The following PARN variants were observed in gnomAD, a reference collection of about 807,000 sequenced individuals.
PARN encodes the protein poly(A)-specific ribonuclease.
A neutral mutation model predicts 102.8 loss-of-function variants in PARN; 71 were observed. The observed-to-expected ratio is 0.69, with a 90% CI of 0.57 to 0.84. PARN has a LOEUF of 0.84. Among genes scored for constraint, PARN ranks in the 40% least tolerant of loss-of-function variants. The pLI is 0.00. For missense variants in PARN, 782 were observed against 760.9 expected, an observed-to-expected ratio of 1.03 and a Z score of -0.33; for synonymous variants, 261 against 252.9, an observed-to-expected ratio of 1.03 and a Z score of -0.30.
At position 14,447,078 on chromosome 16, in the gene PARN, A is replaced by G. The variant is rs2151557113; in HGVS notation, c.1674T>C (p.Phe558=). ...TCTTTCCTACTGTGCTGGGAGCTGT[A>G]AAACTGAAATGCAAAAAGTGGAACA... ...LQNHYYRNNS[F]TAPSTVGKRN... The change falls in exon 23 of 24, where the codon TTT becomes TTC. Residue 558 remains phenylalanine (F), a synonymous_variant. Coordinates refer to ENST00000437198, the MANE Select transcript of PARN (RefSeq NM_002582.4). 1.9e-6 allele frequency: 3 copies of G among 1,610,064 alleles called. No homozygotes were observed. The highest frequency in any genetic ancestry group is 2.5e-6 in the Non-Finnish European group (3 of 1,178,170).
intron 22 of PARN, among the ~76,000 whole-genome samples, chr16:14,465,071 CT>C (rs1567296260): frequency 6.6e-6 from 1 of 151,962 alleles, no homozygotes; most frequent in Non-Finnish European, 1.5e-5. Context: ...TTTTCCTTTT[CT>C]TTTTTTTAAA....
intron 18 of PARN, among the ~76,000 whole-genome samples, chr16:14,574,694 G>A (rs944643948): frequency 6.6e-6 from 1 of 152,074 alleles, no homozygotes; most frequent in African/African-American, 2.4e-5. Context: ...GCCTGGGCAA[G>A]AGAGTGAGAC....
intron 21 of PARN, among the ~76,000 whole-genome samples, chr16:14,544,653 A>G (rs1966866358): frequency 6.6e-6 from 1 of 152,230 alleles, no homozygotes; most frequent in African/African-American, 2.4e-5. Context: ...ATAATATCAG[A>G]TAAGGTAGAC....
At chr16:14,485,940 G>A (rs1407703293) in intron 21 of PARN, among the ~76,000 whole-genome samples, 1 of 152,068 alleles carries the variant, frequency 6.6e-6, no homozygotes, top group Non-Finnish European at 1.5e-5. Context: ...CGCCTGCCTC[G>A]GCCTCTCAAA....
At chr16:14,440,637 A>AT (rs1286408012) in intron 23 of PARN, among the ~76,000 whole-genome samples, 7 of 152,240 alleles carry the variant, frequency 4.6e-5, no homozygotes, top group Non-Finnish European at 8.8e-5. Flanking sequence ...ATAAATAGTG[A>AT]TACCTGTATA....
At chr16:14,610,417 A>T (rs980929583) in intron 7 of PARN, among the ~76,000 whole-genome samples, 2 of 151,848 alleles carry the variant, frequency 1.3e-5, no homozygotes, top group African/African-American at 4.8e-5. Flanking sequence ...AGGTTGCAGT[A>T]AGCCAGGATT....
intron 21 of PARN, among the ~76,000 whole-genome samples, chr16:14,542,163 CCTGA>C (rs1966845254): frequency 6.6e-6 from 1 of 151,748 alleles, no homozygotes; most frequent in Non-Finnish European, 1.5e-5. Context: ...TGCCACCATG[CCTGA>C]CTAATTTTGT....
At chr16:14,461,608 T>C (rs140661715) in intron 22 of PARN, among the ~76,000 whole-genome samples, 16 of 152,376 alleles carry the variant, frequency 1.1e-4, no homozygotes, top group South Asian at 2.1e-4. Context: ...TTTATGCTGA[T>C]AAGTTGCCTT....
chr16:14,586,459 C>G, intron 13 of PARN, 98 bp from the exon 14 acceptor site: 2 of 728,462 alleles, frequency 2.7e-6, no homozygotes, highest in Non-Finnish European at 4.8e-6. Context: ...TCTTCTCAAA[C>G]AAGCTGTTGG....
At chr16:14,595,144 C>T (rs767970526) in intron 12 of PARN, among the ~76,000 whole-genome samples, 1 of 152,136 alleles carries the variant, frequency 6.6e-6, no homozygotes, top group South Asian at 2.1e-4. Context: ...GTACTTCTCG[C>T]GAGGTATGGG....
chr16:14,494,863 G>A (rs138617636), intron 21 of PARN, among the ~76,000 whole-genome samples: 1 of 152,304 alleles, frequency 6.6e-6, no homozygotes, highest in Non-Finnish European at 1.5e-5. Flanking sequence ...GTGCAGGGTT[G>A]TGCCATCTGG....
Position 14,499,708 on chromosome 16 carries a change from G to A in PARN, c.1481-16881C>T, listed in dbSNP as rs369875648. 7.2e-5 allele frequency among the ~76,000 whole-genome samples: 11 copies of A among 152,206 alleles called. No homozygotes were observed. In the East Asian group the frequency reaches 1.4e-3, roughly 19 times the overall value. On this transcript the variant is annotated intron_variant, in intron 21 of 23. Transcript: ENST00000437198. ...GATAAAAAAGTCAAGCCAAAAGAGA[G>A]AAATGTAAAAAACTAAAACAAGCCA... is the stretch of plus-strand genomic sequence containing the variant.
chr16:14,527,699 C>G (rs1440931707), intron 21 of PARN, among the ~76,000 whole-genome samples: 1 of 152,148 alleles, frequency 6.6e-6, no homozygotes, highest in African/African-American at 2.4e-5. Context: ...CATGTGTGAA[C>G]AAAGCTCATC....
At chr16:14,553,260 A>G (rs1269717921) in intron 20 of PARN, among the ~76,000 whole-genome samples, 1 of 145,524 alleles carries the variant, frequency 6.9e-6, no homozygotes, top group Non-Finnish European at 1.5e-5. Flanking sequence ...TCTATTTAAA[A>G]AAAAAAAAAA....
At chr16:14,604,623 G>T (rs576063493) in intron 10 of PARN, among the ~76,000 whole-genome samples, 2 of 151,714 alleles carry the variant, frequency 1.3e-5, no homozygotes, top group East Asian at 3.9e-4. Context: ...GCTGCCATTA[G>T]AATTTTTTTT....
At chr16:14,604,845 A>C (rs992117786) in intron 10 of PARN, among the ~76,000 whole-genome samples, 2 of 150,596 alleles carry the variant, frequency 1.3e-5, no homozygotes, top group Non-Finnish European at 3.0e-5. Context: ...CAAACTCCTG[A>C]CCTCAAGTGA....
chr16:14,570,448 G>C (rs1256820153), intron 18 of PARN, among the ~76,000 whole-genome samples: 1 of 149,240 alleles, frequency 6.7e-6, no homozygotes, highest in African/African-American at 2.5e-5. Context: ...TCAAGAGTTC[G>C]AGACCAGCCT....
intron 5 of PARN, among the ~76,000 whole-genome samples, chr16:14,618,931 C>T (rs72789505): frequency 2.0e-4 from 31 of 152,074 alleles, no homozygotes; most frequent in African/African-American, 6.8e-4. Flanking sequence ...CACGGTGGCT[C>T]GCACCTGTAA....
intron 21 of PARN, among the ~76,000 whole-genome samples, chr16:14,485,589 TAC>T (rs1479394027): frequency 6.6e-6 from 1 of 152,240 alleles, no homozygotes; most frequent in Non-Finnish European, 1.5e-5. Context: ...CCATTGGTTC[TAC>T]CATCATTATT....
Sources: gnomAD v4.1 joint callset for allele counts (sites outside exome capture counted in the v4.1 genomes callset) on GRCh38, gnomAD v4.1.1 for gene constraint, MANE v1.5 for transcripts, NCBI Gene and HGNC (gene_info 2026-07-23, HGNC 2026-07-21) for gene names.